AGMO: variants seen among roughly 807,000 people sequenced by gnomAD.
The protein encoded by AGMO is glyceryl-ether monooxygenase.
A neutral mutation model predicts 60.2 loss-of-function variants in AGMO; 75 were observed. The ratio of observed to expected loss-of-function variants is 1.25; its 90% CI spans 1.03 to 1.51. The LOEUF (loss-of-function observed/expected upper bound fraction) is 1.51. Ranked by LOEUF, AGMO falls within the 40% of genes most tolerant of loss-of-function variation. The pLI is 0.00. For synonymous variants in AGMO, 261 were observed against 177.1 expected (o/e 1.47, Z -3.76); for missense variants, 763 against 525.5 (o/e 1.45, Z -4.42).
chr7:15,508,198 AAAT>A (rs1783572153), intron 3 of AGMO, among the ~76,000 whole-genome samples: 1 of 152,150 alleles, frequency 6.6e-6, no homozygotes, highest in Non-Finnish European at 1.5e-5. Context: ...ATATTGTTTA[AAAT>A]AATAATACTT....
chr7:15,455,750 G>C (rs1157371931), intron 3 of AGMO, among the ~76,000 whole-genome samples: 1 of 152,048 alleles, frequency 6.6e-6, no homozygotes. Flanking sequence ...GAATTCAGCT[G>C]CTCCTGAGAA....
At chr7:15,294,774 T>C (rs1243451032) in intron 12 of AGMO, among the ~76,000 whole-genome samples, 1 of 151,960 alleles carries the variant, frequency 6.6e-6, no homozygotes. Context: ...AGATTTATCC[T>C]GATGAATAAA....
In AGMO at chr7:15,390,753, G is replaced by A. The variant is rs116736910; in HGVS notation, c.743-3C>T. 4.2e-4 allele frequency: 679 copies of A among 1,605,896 alleles called. 1 individual carries two copies. The African/African-American group carries it at 7.9e-3, about 19-fold the overall frequency. ...TTCATTTTCTGCTTCAAATGTCCCT[G>A]GAAGATAAATATAAAGATATGAGAT... On this transcript the variant is annotated splice_polypyrimidine_tract_variant and splice_region_variant and intron_variant, in intron 7 of 12. Transcript: ENST00000342526.
intron 12 of AGMO, among the ~76,000 whole-genome samples, chr7:15,256,096 G>A (rs1251768941): frequency 1.3e-5 from 2 of 152,196 alleles, no homozygotes; most frequent in African/African-American, 4.8e-5. Flanking sequence ...GACCAATGAG[G>A]GGGATGTATG....
In AGMO at chr7:15,357,885, T is replaced by G. The variant is rs145494686; in HGVS notation, c.1263+7629A>C. ...TGCTTTAAGCCATTAAGTTTTGGCT[T>G]GGTCATGCAAAAACAGATAAATGCC... On this transcript the variant is annotated intron_variant, in intron 12 of 12. Transcript: ENST00000342526. Among the ~76,000 whole-genome samples the G allele has an allele frequency of 4.6e-5, 7 of 152,316 alleles. No homozygotes were observed. The East Asian group carries it at 1.3e-3, about 29-fold the overall frequency.
the AGMO span, among the ~76,000 whole-genome samples, chr7:15,179,709 G>A: frequency 6.6e-6 from 1 of 152,138 alleles, no homozygotes; most frequent in African/African-American, 2.4e-5. Context: ...GAGATTCTGT[G>A]TGTCTCTGCT....
At chr7:15,277,355 T>TA (rs1563066526) in intron 12 of AGMO, among the ~76,000 whole-genome samples, 9 of 104,024 alleles carry the variant, frequency 8.7e-5, no homozygotes, top group South Asian at 4.2e-4. Flanking sequence ...ATAAATAAAT[T>TA]ATGTGTCATT....
intron 12 of AGMO, among the ~76,000 whole-genome samples, chr7:15,346,742 A>C (rs919764954): frequency 1.3e-5 from 2 of 151,970 alleles, no homozygotes; most frequent in African/African-American, 4.8e-5. Flanking sequence ...CCTAAGTAAT[A>C]TATGGCTTTG....
intron 12 of AGMO, among the ~76,000 whole-genome samples, chr7:15,301,494 T>C (rs1784558551): frequency 6.7e-6 from 1 of 149,906 alleles, no homozygotes; most frequent in African/African-American, 2.5e-5. Flanking sequence ...AGGCAAATAC[T>C]GTTTGCTTGT....
In AGMO at chr7:15,390,921, T is replaced by C. The variant is rs1375780908; in HGVS notation, c.677-16A>G. 1.3e-6 allele frequency: 2 copies of C among 1,529,116 alleles called. No individual in the cohort carries two copies. The highest frequency in any genetic ancestry group is 3.8e-5 in the Admixed American group (2 of 52,314). 94.7% of individuals were successfully genotyped at this position (1,529,116 alleles called of 1,614,324 possible). On this transcript the variant is annotated splice_polypyrimidine_tract_variant and intron_variant, in intron 6 of 12. Coordinates refer to ENST00000342526, the MANE Select transcript of AGMO (RefSeq NM_001004320.2). ...CGATTTCTGCCTATGAGACAAAATA[T>C]TAGAAATTTTTTTTCAGAAAAATAG...
chr7:15,544,914 GA>G lies in AGMO; in HGVS notation c.266del (p.Phe89SerfsTer6). ...TATAACTGGTCAGTTCAATGCTCCT[GA>G]AAAATAGACTGGAAGATAAAATTCA... is the stretch of plus-strand genomic sequence containing the variant. ...GVLSRLPSLF[F>X]RSIELTSYIY... On this transcript the variant is annotated frameshift_variant, in exon 3 of 13. Transcript: ENST00000342526. LOFTEE classifies it high-confidence loss of function. 3.3e-6 allele frequency: 5 copies of G among 1,525,006 alleles called. No homozygotes were observed. The highest frequency in any genetic ancestry group is 2.7e-5 in the South Asian group (2 of 75,458). The allele number at this position is 1,525,006 out of a possible 1,614,324, so 94.5% of individuals were successfully genotyped here.
At chr7:15,181,969 C>G in the AGMO span, among the ~76,000 whole-genome samples, 1 of 152,088 alleles carries the variant, frequency 6.6e-6, no homozygotes, top group African/African-American at 2.4e-5. Context: ...ACCCAAGTGT[C>G]CATCCACAGA....
chr7:15,315,220 T>G (rs151010566), intron 12 of AGMO, among the ~76,000 whole-genome samples: 1 of 152,010 alleles, frequency 6.6e-6, no homozygotes, highest in Non-Finnish European at 1.5e-5. Context: ...GGTACTAAGT[T>G]TGTGGTAACT....
At chr7:15,370,516 G>T (rs951240287) in intron 10 of AGMO, among the ~76,000 whole-genome samples, 6 of 152,182 alleles carry the variant, frequency 3.9e-5, no homozygotes, top group African/African-American at 1.4e-4. Flanking sequence ...CCAACAGTGT[G>T]TATGTGTTCC....
In AGMO at chr7:15,327,750, T is replaced by C. The variant is rs1194295437; in HGVS notation, c.1263+37764A>G. ...TAAACTGATTTCTTTCTTTTTTTTTTTTTTTTTTTTTTTTTGAGACAAGGT... is the reference window on the plus strand; with the variant it reads ...TAAACTGATTTCTTTCTTTTTTTTTCTTTTTTTTTTTTTTTGAGACAAGGT... On this transcript the variant is annotated intron_variant, in intron 12 of 12. Coordinates refer to ENST00000342526, the MANE Select transcript of AGMO (RefSeq NM_001004320.2). Among the ~76,000 whole-genome samples, 53 of 138,928 alleles carry C rather than the reference T, an allele frequency of 3.8e-4. 2 individuals carry two copies. The highest frequency in any genetic ancestry group is 3.1e-3 in the Admixed American group (43 of 13,806). 91.1% of individuals were successfully genotyped at this position (138,928 alleles called of 152,430 possible).
At chr7:15,338,795 T>C (rs1178665848) in intron 12 of AGMO, among the ~76,000 whole-genome samples, 2 of 152,126 alleles carry the variant, frequency 1.3e-5, no homozygotes, top group East Asian at 3.9e-4. Flanking sequence ...TGCTCTAATC[T>C]TGCAGCATTT....
At chr7:15,383,478 T>C (rs1296560545) in intron 10 of AGMO, among the ~76,000 whole-genome samples, 1 of 145,874 alleles carries the variant, frequency 6.9e-6, no homozygotes, top group African/African-American at 2.6e-5. Context: ...GCTCAGGACC[T>C]ATTTCAAGAA....
At chr7:15,348,568 C>A (rs1431043887) in intron 12 of AGMO, among the ~76,000 whole-genome samples, 1 of 152,006 alleles carries the variant, frequency 6.6e-6, no homozygotes, top group South Asian at 2.1e-4. Flanking sequence ...TTGTATTTTT[C>A]TTCTTTCTAT....
chr7:15,313,561 C>T (rs547204441), intron 12 of AGMO, among the ~76,000 whole-genome samples: 1 of 151,978 alleles, frequency 6.6e-6, no homozygotes, highest in African/African-American at 2.4e-5. Flanking sequence ...CTGGCAAACA[C>T]TAAATGTGAT....
Sources: allele counts gnomAD v4.1 joint callset (sites outside exome capture counted in the v4.1 genomes callset), GRCh38; gene constraint gnomAD v4.1.1; transcripts MANE v1.5; gene names NCBI Gene and HGNC (gene_info 2026-07-23, HGNC 2026-07-21).